Variants in KIRREL3 observed in about 807,000 individuals in gnomAD.
KIRREL3 encodes kin of IRRE-like protein 3.
Under a neutral mutation model 89.7 loss-of-function variants are expected in KIRREL3, and 36 were observed. The ratio of observed to expected loss-of-function variants is 0.40; its 90% confidence interval spans 0.31 to 0.53. KIRREL3 has a LOEUF of 0.53. KIRREL3 is among the 20% of genes least tolerant of loss of function. The pLI is 0.49. For synonymous variants in KIRREL3, 445 were observed against 441.4 expected (o/e 1.01, Z -0.10); for missense variants, 864 against 1,056.6 (o/e 0.82, Z 2.53).
At chr11:127,003,280 C>A (rs2031197190), upstream of KIRREL3, 1 of 152,300 alleles carries the variant, frequency 6.6e-6, no homozygotes, top group Non-Finnish European at 1.5e-5. Flanking sequence ...GCCGGTCGGG[C>A]TCTGGCGCCA....
In KIRREL3 at chr11:126,996,696, C is replaced by T. The variant is rs1379332135; in HGVS notation, c.55+3759G>A. ...GACAGCCCCTTTTGGTGTTTCCAGC[C>T]AGGCAGGAGAGCAAGTGGGCTGCTT... On this transcript the variant is annotated intron_variant, in intron 1 of 16. Transcript: ENST00000525144. This position sits in a 1 kb window ranked among gnomAD's most constrained non-coding sequence, Gnocchi z 4.7. Among the ~76,000 whole-genome samples the T allele has an allele frequency of 7.9e-5, 12 of 152,314 alleles. No individual in the cohort carries two copies. The highest frequency in any genetic ancestry group is 2.9e-4 in the African/African-American group (12 of 41,560).
chr11:126,447,650 A>G (rs1955871688), intron 8 of KIRREL3, among the ~76,000 whole-genome samples: 1 of 151,936 alleles, frequency 6.6e-6, no homozygotes, highest in South Asian at 2.1e-4. Context: ...CCTTCTGTAG[A>G]CCAAGCTTGG....
chr11:126,792,781 T>C (rs766977202), intron 1 of KIRREL3, among the ~76,000 whole-genome samples: 7 of 152,176 alleles, frequency 4.6e-5, no homozygotes, highest in Non-Finnish European at 1.0e-4. Context: ...CTATATAAAG[T>C]CTTAATCCAG....
rs181753789 is a variant in KIRREL3 at position 126,891,870 on chromosome 11, T to C, written c.55+108585A>G. 8.7e-4 allele frequency among the ~76,000 whole-genome samples: 132 copies of C among 152,326 alleles called. No individual in the cohort carries two copies. Among genetic ancestry groups the C allele is most frequent in the Non-Finnish European group, 1.6e-3 (109 of 68,024 alleles). ...AGAGGAGTGTGGTCCTTGGGACATCTAGCCCAGGGAAAGAAATCTTGCCCA... is the reference window on the plus strand; with the variant it reads ...AGAGGAGTGTGGTCCTTGGGACATCCAGCCCAGGGAAAGAAATCTTGCCCA... On this transcript the variant is annotated intron_variant, in intron 1 of 16. Coordinates refer to ENST00000525144, the MANE Select transcript of KIRREL3 (RefSeq NM_032531.4). The surrounding 1 kb of genome is among the most constrained non-coding windows in gnomAD (Gnocchi z 5.1).
intron 1 of KIRREL3, among the ~76,000 whole-genome samples, chr11:126,618,816 T>C (rs530293785): frequency 1.3e-5 from 2 of 152,356 alleles, no homozygotes; most frequent in Admixed American, 1.3e-4. Flanking sequence ...AGAGCATCCC[T>C]GCTAAGGGCT....
chr11:126,537,815 C>G lies in KIRREL3; in HGVS notation c.134-11128G>C, dbSNP rs1050231490. Among the ~76,000 whole-genome samples, 1 of 152,266 alleles carries G rather than the reference C, an allele frequency of 6.6e-6. No individual in the cohort carries two copies. Among genetic ancestry groups the G allele is most frequent in the East Asian group, 1.9e-4 (1 of 5,206 alleles). The stretch of plus-strand genomic sequence containing the variant: ...GACAGGTGTTTCACAAAGGGTCATT[C>G]TTACTTTCGTCACTATCCACAAGTC... On this transcript the variant is annotated intron_variant, in intron 2 of 16. Coordinates refer to ENST00000525144, the MANE Select transcript of KIRREL3 (RefSeq NM_032531.4). The surrounding 1 kb of genome is among the most constrained non-coding windows in gnomAD (Gnocchi z 4.3).
intron 1 of KIRREL3, among the ~76,000 whole-genome samples, chr11:126,840,807 G>C (rs560996831): frequency 1.3e-5 from 2 of 152,250 alleles, no homozygotes; most frequent in East Asian, 3.9e-4. Flanking sequence ...CAGTGACTGT[G>C]ATCAAGTAAC....
chr11:126,980,802 G>T (rs929596154), intron 1 of KIRREL3, among the ~76,000 whole-genome samples: 4 of 152,170 alleles, frequency 2.6e-5, no homozygotes, highest in Non-Finnish European at 5.9e-5. Flanking sequence ...TTTTTAGAAT[G>T]TTGTTTTAAA....
Position 126,891,251 on chromosome 11 carries a change from C to T in KIRREL3, c.55+109204G>A, listed in dbSNP as rs1945908398. ...TAGCATGGCTCTCTATCTTCTCATG[C>T]CTTAGAACTTTATTCCTTATATCAA... is the stretch of plus-strand genomic sequence containing the variant. On this transcript the variant is annotated intron_variant, in intron 1 of 16. Coordinates refer to ENST00000525144, the MANE Select transcript of KIRREL3 (RefSeq NM_032531.4). The surrounding 1 kb of genome is among the most constrained non-coding windows in gnomAD (Gnocchi z 5.1). Among the ~76,000 whole-genome samples, 1 of 152,152 alleles carries T rather than the reference C, an allele frequency of 6.6e-6. No individual in the cohort carries two copies. Among genetic ancestry groups the T allele is most frequent in the Non-Finnish European group, 1.5e-5 (1 of 68,036 alleles).
chr11:126,845,894 T>C lies in KIRREL3; in HGVS notation c.55+154561A>G, dbSNP rs193100467. Among the ~76,000 whole-genome samples, 34 of 152,246 alleles carry C rather than the reference T, an allele frequency of 2.2e-4. 1 individual carries two copies. The East Asian group carries it at 6.6e-3, about 29-fold the overall frequency. On this transcript the variant is annotated intron_variant, in intron 1 of 16. Coordinates refer to ENST00000525144, the MANE Select transcript of KIRREL3 (RefSeq NM_032531.4). ...CAGATATTCAGGCTCCAACGGCCTG[T>C]AGTTCCTTGGGAAAAACAGAGGAGG...
In KIRREL3 at chr11:126,843,549, G is replaced by A. The variant is rs1044255604; in HGVS notation, c.55+156906C>T. ...TGCAATCAAACCAAAGCATGCCTAA[G>A]CGATAACTGGAGTCCCGACGGCTAG... On this transcript the variant is annotated intron_variant, in intron 1 of 16. Coordinates refer to ENST00000525144, the MANE Select transcript of KIRREL3 (RefSeq NM_032531.4). The surrounding 1 kb of genome is among the most constrained non-coding windows in gnomAD (Gnocchi z 4.6). 6.6e-6 allele frequency among the ~76,000 whole-genome samples: 1 copy of A among 152,168 alleles called. No homozygotes were observed. The highest frequency in any genetic ancestry group is 2.4e-5 in the African/African-American group (1 of 41,432).
chr11:126,933,205 C>G (rs1054303880), intron 1 of KIRREL3, among the ~76,000 whole-genome samples: 3 of 152,144 alleles, frequency 2.0e-5, no homozygotes, highest in African/African-American at 7.2e-5. Flanking sequence ...CTGAAAGGAG[C>G]TCAACAATAC....
chr11:126,812,373 C>A lies in KIRREL3; in HGVS notation c.55+188082G>T, dbSNP rs1243486781. On this transcript the variant is annotated intron_variant, in intron 1 of 16. Coordinates refer to ENST00000525144, the MANE Select transcript of KIRREL3 (RefSeq NM_032531.4). The surrounding 1 kb of genome is among the most constrained non-coding windows in gnomAD (Gnocchi z 5.2). ...CCGTTGGTGGTTTAGGCAGACGGAA[C>A]TCCTCTCAGGATTTATTCAGATTCA... 6.6e-6 allele frequency among the ~76,000 whole-genome samples: 1 copy of A among 152,144 alleles called. No individual in the cohort carries two copies. Among genetic ancestry groups the A allele is most frequent in the Non-Finnish European group, 1.5e-5 (1 of 68,032 alleles).
At chr11:126,604,508 C>G (rs1052015609) in intron 1 of KIRREL3, among the ~76,000 whole-genome samples, 1 of 152,222 alleles carries the variant, frequency 6.6e-6, no homozygotes, top group African/African-American at 2.4e-5. Flanking sequence ...ACTGTCCAGA[C>G]AGGGAAACTG....
In KIRREL3 at chr11:126,782,093, C is replaced by T. The variant is rs1950343070; in HGVS notation, c.55+218362G>A. ...TGTGCTCAGCATATAATTTCCTCCT[C>T]CTGGGTTCACAGGAAGACAGGCATT... On this transcript the variant is annotated intron_variant, in intron 1 of 16. Transcript: ENST00000525144. The surrounding 1 kb of genome is among the most constrained non-coding windows in gnomAD (Gnocchi z 4.1). Among the ~76,000 whole-genome samples the T allele has an allele frequency of 2.0e-5, 3 of 147,780 alleles. No homozygotes were observed. The highest frequency in any genetic ancestry group is 4.5e-5 in the Non-Finnish European group (3 of 66,448).
Position 126,766,458 on chromosome 11 carries a change from C to A in KIRREL3, c.56-203546G>T, listed in dbSNP as rs1032630299. Among the ~76,000 whole-genome samples, 1 of 151,914 alleles carries A rather than the reference C, an allele frequency of 6.6e-6. No individual in the cohort carries two copies. Among genetic ancestry groups the A allele is most frequent in the Non-Finnish European group, 1.5e-5 (1 of 67,976 alleles). On this transcript the variant is annotated intron_variant, in intron 1 of 16. Transcript: ENST00000525144. The surrounding 1 kb of genome is among the most constrained non-coding windows in gnomAD (Gnocchi z 4.2). ...TCTCCTCCCTAGGTATGGCATTGTC[C>A]CTTTTCTTTCTCTTTTATTCTATTA...
intron 1 of KIRREL3, among the ~76,000 whole-genome samples, chr11:126,654,761 T>A (rs543720395): frequency 1.3e-5 from 2 of 152,356 alleles, no homozygotes; most frequent in East Asian, 3.9e-4. Context: ...GTATCTTTTT[T>A]CTACACTGCT....
chr11:126,868,160 A>G (rs1944983466), intron 1 of KIRREL3, among the ~76,000 whole-genome samples: 1 of 152,130 alleles, frequency 6.6e-6, no homozygotes, highest in East Asian at 1.9e-4. Context: ...TCAGATGTCT[A>G]TTAAGCATGT....
At chr11:126,698,418 C>T (rs1000579644) in intron 1 of KIRREL3, among the ~76,000 whole-genome samples, 9 of 152,350 alleles carry the variant, frequency 5.9e-5, no homozygotes, top group Middle Eastern at 6.8e-3. Flanking sequence ...CCAAAGGAGG[C>T]AGGGCCACAT....
Sources: gnomAD v4.1 joint callset for allele counts (sites outside exome capture counted in the v4.1 genomes callset) on GRCh38, gnomAD v4.1.1 for gene constraint, Gnocchi (gnomAD v3.1) non-coding constraint, MANE v1.5 for transcripts, NCBI Gene and HGNC (gene_info 2026-07-23, HGNC 2026-07-21) for gene names.